ENPP1: variants seen among roughly 807,000 people sequenced by gnomAD.
ENPP1 encodes the protein ectonucleotide pyrophosphatase/phosphodiesterase family member 1.
Under a neutral mutation model 122.8 loss-of-function variants are expected in ENPP1, and 73 were observed. The ratio of observed to expected loss-of-function variants is 0.59; its 90% CI spans 0.49 to 0.72. The LOEUF is 0.72. Ranked by LOEUF, ENPP1 falls within the 30% of genes least tolerant of loss-of-function variation. The pLI is 0.00. For synonymous variants in ENPP1, 367 were observed against 391.6 expected (o/e 0.94, Z 0.74); for missense variants, 978 against 1,128.1 (o/e 0.87, Z 1.91).
intron 1 of ENPP1, among the ~76,000 whole-genome samples, 155 bp from the exon 2 acceptor site, chr6:131,847,621 C>T (rs1423062870): frequency 1.3e-5 from 2 of 152,006 alleles, no homozygotes; most frequent in African/African-American, 4.8e-5. Context: ...CAGGAGGATC[C>T]CTTGATGCCA....
At chr6:131,824,511 G>A (rs11963707) in intron 1 of ENPP1, among the ~76,000 whole-genome samples, 6,218 of 152,146 alleles carry the variant, frequency 0.041, 301 homozygotes, top group East Asian at 0.25. Context: ...CTGTAGTGCA[G>A]TGGCGCCATC....
chr6:131,891,582 C>T lies in ENPP1; in HGVS notation c.*1071C>T, dbSNP rs1782470143. 6.6e-6 allele frequency: 1 copy of T among 152,174 alleles called. No individual in the cohort carries two copies. Among genetic ancestry groups the T allele is most frequent in the Admixed American group, 6.5e-5 (1 of 15,274 alleles). The allele number at this position is 152,174 out of a possible 1,614,324, so 9.4% of individuals were successfully genotyped here. A position where few individuals can be genotyped will look rare whatever the true frequency, so the allele number is the denominator to read the frequency against. ...CCTACCTGTGAACCTTCAAAGACTGCATTAACTTTTAGGCTACATAGGTCC... is the reference window on the plus strand; with the variant it reads ...CCTACCTGTGAACCTTCAAAGACTGTATTAACTTTTAGGCTACATAGGTCC... On this transcript the variant is annotated 3_prime_UTR_variant, in exon 25 of 25. Coordinates refer to ENST00000647893, the MANE Select transcript of ENPP1 (RefSeq NM_006208.3).
At chr6:131,850,240 C>T in intron 3 of ENPP1, 134 bp downstream of exon 3, 1 of 705,476 alleles carries the variant, frequency 1.4e-6, no homozygotes, top group Non-Finnish European at 2.6e-6. Context: ...CACGTTTTGA[C>T]ATTAGCTTTT....
chr6:131,843,025 A>C (rs1309538541), intron 1 of ENPP1, among the ~76,000 whole-genome samples: 1 of 152,194 alleles, frequency 6.6e-6, no homozygotes, highest in East Asian at 1.9e-4. Flanking sequence ...TTGTTTTCTA[A>C]GATAAGATGT....
Position 131,892,969 on chromosome 6 carries a change from T to C in ENPP1, c.*2458T>C, listed in dbSNP as rs1782490782. ...CTTTTTCAGCTCCAAGTTGGAAATA[T>C]ATGAGCTGAAAAGAAAATGTAGGGA... On this transcript the variant is annotated 3_prime_UTR_variant, in exon 25 of 25. Transcript: ENST00000647893. The C allele has an allele frequency of 6.6e-6, 1 of 152,200 alleles. No individual in the cohort carries two copies. Among genetic ancestry groups the C allele is most frequent in the African/African-American group, 2.4e-5 (1 of 41,456 alleles). 9.4% of individuals were successfully genotyped at this position (152,200 alleles called of 1,614,324 possible). A position where few individuals can be genotyped will look rare whatever the true frequency, so the allele number is the denominator to read the frequency against.
chr6:131,844,713 A>G (rs1781784001), intron 1 of ENPP1, among the ~76,000 whole-genome samples: 1 of 152,218 alleles, frequency 6.6e-6, no homozygotes, highest in Non-Finnish European at 1.5e-5. Context: ...GACTCCAGAT[A>G]TGAAGCCAGA....
intron 1 of ENPP1, among the ~76,000 whole-genome samples, chr6:131,816,373 C>A (rs900976532): frequency 6.6e-6 from 1 of 152,080 alleles, no homozygotes; most frequent in Non-Finnish European, 1.5e-5. Flanking sequence ...AAATACCCCC[C>A]AAACAAGAAA....
chr6:131,870,855 G>T (rs1263055623), intron 13 of ENPP1, among the ~76,000 whole-genome samples: 1 of 152,164 alleles, frequency 6.6e-6, no homozygotes, highest in Non-Finnish European at 1.5e-5. Context: ...GAGGCGGGCG[G>T]ATCATAAGGT....
chr6:131,880,019 T>C lies in ENPP1; in HGVS notation c.2085T>C (p.Tyr695=). 1 of 1,614,100 alleles carries C rather than the reference T, an allele frequency of 6.2e-7. No individual in the cohort carries two copies. ...TCTTAATGCCCCTTTGGACATCCTA[T>C]ACCGTGGACAGAAATGCAAGTATTT... is the stretch of plus-strand genomic sequence containing the variant. ...QDILMPLWTS[Y]TVDRNDSFST... Residue 695 remains tyrosine, a synonymous_variant, in exon 20 of 25, where the codon TAT becomes TAC. Coordinates refer to ENST00000647893, the MANE Select transcript of ENPP1 (RefSeq NM_006208.3).
chr6:131,877,838 C>CAAAAA lies in ENPP1; in HGVS notation c.1894-679_1894-675dup, dbSNP rs1169868832. 1.3e-3 allele frequency: 16 copies of CAAAAA among 12,108 alleles called. 5 individuals are homozygous for CAAAAA. Among genetic ancestry groups the CAAAAA allele is most frequent in the African/African-American group, 3.8e-3 (11 of 2,874 alleles). The allele number at this position is 12,108 out of a possible 1,614,324, so 0.8% of individuals were successfully genotyped here. On this transcript the variant is annotated intron_variant, in intron 18 of 24. Transcript: ENST00000647893. ...TGGGCAACAGGGCAAGACCCTTTCT[C>CAAAAA]AAAAAAAAAAAAAAAAAAAAAAAAA...
chr6:131,888,264 C>T (rs1381150596), intron 24 of ENPP1, among the ~76,000 whole-genome samples: 2 of 147,170 alleles, frequency 1.4e-5, no homozygotes, highest in Admixed American at 1.4e-4. Context: ...TGAAGTGACA[C>T]CAAGTAAGTC....
At chr6:131,808,972 G>A (rs910962790) in intron 1 of ENPP1, among the ~76,000 whole-genome samples, 3 of 152,198 alleles carry the variant, frequency 2.0e-5, no homozygotes, top group Non-Finnish European at 4.4e-5. Flanking sequence ...AAATGTGGGG[G>A]TTGGTTTTTA....
intron 5 of ENPP1, among the ~76,000 whole-genome samples, chr6:131,853,154 A>G (rs1011273706): frequency 1.3e-5 from 2 of 152,066 alleles, no homozygotes; most frequent in East Asian, 3.8e-4. Flanking sequence ...AATTTTTGTT[A>G]TATGTCTTCT....
In ENPP1 at chr6:131,890,744, CG is replaced by C; in HGVS notation, c.*238del. On this transcript the variant is annotated 3_prime_UTR_variant, in exon 25 of 25. Transcript: ENST00000647893. ...AAGCATTGTATACATTGATCAAGTTCGGGGGAATAAAGACAGACCACACCTA... is the reference window on the plus strand; with the variant it reads ...AAGCATTGTATACATTGATCAAGTTCGGGGAATAAAGACAGACCACACCTA... The C allele has an allele frequency of 3.7e-6, 2 of 538,250 alleles. No individual in the cohort carries two copies. Among genetic ancestry groups the C allele is most frequent in the Non-Finnish European group, 6.7e-6 (2 of 300,738 alleles). The allele number at this position is 538,250 out of a possible 1,614,324, so 33.3% of individuals were successfully genotyped here. A position where few individuals can be genotyped will look rare whatever the true frequency, so the allele number is the denominator to read the frequency against.
At position 131,854,973 on chromosome 6, in the gene ENPP1, C is replaced by A. The variant is rs2114696253; in HGVS notation, c.665C>A (p.Ala222Glu). The change falls in exon 6 of 25, where the codon GCA (alanine) becomes GAA (glutamate). Residue 222 changes from alanine (A) to glutamate (E), a missense_variant. Ala to Glu is a moderately radical substitution (Grantham distance 107). Coordinates refer to ENST00000647893, the MANE Select transcript of ENPP1 (RefSeq NM_006208.3). ...TTATTTTCTTTGGATGGATTCAGGG[C>A]AGAATATTTACACACTTGGGGTGGA... ...TLLFSLDGFR[A>E]EYLHTWGGLL... The A allele has an allele frequency of 3.1e-6, 5 of 1,613,664 alleles. No individual in the cohort carries two copies. Among genetic ancestry groups the A allele is most frequent in the Non-Finnish European group, 4.2e-6 (5 of 1,179,732 alleles).
intron 1 of ENPP1, chr6:131,827,157 C>T: frequency 1.4e-6 from 1 of 738,878 alleles, no homozygotes; most frequent in Non-Finnish European, 2.5e-6. Context: ...GCAGTTCTAT[C>T]TTGTCTTGGA....
At chr6:131,888,524 A>G (rs535366998) in intron 24 of ENPP1, among the ~76,000 whole-genome samples, 1 of 152,328 alleles carries the variant, frequency 6.6e-6, no homozygotes, top group Non-Finnish European at 1.5e-5. Flanking sequence ...GTAGAATACA[A>G]TGATCCGTTT....
At chr6:131,818,603 G>A (rs373744827) in intron 1 of ENPP1, among the ~76,000 whole-genome samples, 5 of 151,264 alleles carry the variant, frequency 3.3e-5, no homozygotes, top group Non-Finnish European at 5.9e-5. Context: ...AGCCGAGATC[G>A]TGCCACTGCA....
chr6:131,870,751 G>A (rs1782150922), intron 13 of ENPP1, among the ~76,000 whole-genome samples: 1 of 152,104 alleles, frequency 6.6e-6, no homozygotes, highest in African/African-American at 2.4e-5. Flanking sequence ...TAGAAAAGTA[G>A]TACATGACTG....
Sources: allele counts gnomAD v4.1 joint callset (sites outside exome capture counted in the v4.1 genomes callset), GRCh38; gene constraint gnomAD v4.1.1; transcripts MANE v1.5; gene names NCBI Gene and HGNC (gene_info 2026-07-23, HGNC 2026-07-21).